Variants in BAIAP3 observed in about 807,000 individuals in gnomAD.
BAIAP3 encodes the protein BAI1 associated protein 3.
Under a neutral mutation model 149.7 loss-of-function variants are expected in BAIAP3, and 180 were observed. The ratio of observed to expected loss-of-function variants is 1.20; its 90% CI spans 1.07 to 1.36. BAIAP3 has a LOEUF of 1.36. Among genes scored for constraint, BAIAP3 ranks in the 40% most tolerant of loss-of-function variants. The pLI is 0.00. For missense variants in BAIAP3, 1,767 were observed against 1,563.4 expected (o/e 1.13, Z -2.20); for synonymous variants, 845 against 670.7 (o/e 1.26, Z -4.02).
chr16:1,346,556 G>A lies in BAIAP3; in HGVS notation c.2562+46G>A, dbSNP rs748694686. 1.1e-4 allele frequency: 169 copies of A among 1,582,544 alleles called. 1 individual carries two copies. Among genetic ancestry groups the A allele is most frequent in the Non-Finnish European group, 1.4e-4 (163 of 1,164,910 alleles). ...CCGTGGAGGACTGTGTGTACTGGGGGTAGGGCAGAGGTGCGGGGTAAGCCT... is the reference window on the plus strand; with the variant it reads ...CCGTGGAGGACTGTGTGTACTGGGGATAGGGCAGAGGTGCGGGGTAAGCCT... On this transcript the variant is annotated intron_variant, in intron 26 of 33. Coordinates refer to ENST00000426824, the MANE Select transcript of BAIAP3 (RefSeq NM_001199097.2).
Position 1,347,897 on chromosome 16 carries a change from T to C in BAIAP3, c.3029T>C (p.Leu1010Ser), listed in dbSNP as rs768075521. The C allele has an allele frequency of 6.2e-7, 1 of 1,611,646 alleles. No individual in the cohort carries two copies. The highest frequency in any genetic ancestry group is 8.5e-7 in the Non-Finnish European group (1 of 1,179,838). Reference sequence around the variant, plus strand: ...GCTCACGACTGTGCTCCTGCAGGCTTAAGTGACCCCTTTGTGATCGTGGAG... The same window carrying C: ...GCTCACGACTGTGCTCCTGCAGGCTCAAGTGACCCCTTTGTGATCGTGGAG... ...ADLLPLDANGLSDPFVIVELG... is the reference protein window; with the variant it reads ...ADLLPLDANGSSDPFVIVELG... The change falls in exon 32 of 34, where the codon TTA becomes TCA. Residue 1010 changes from leucine to serine, a missense_variant. Physicochemically the swap from Leu to Ser is moderately radical, Grantham distance 145. Transcript: ENST00000426824.
chr16:1,340,157 GACACACGC>G, intron 5 of BAIAP3, among the ~76,000 whole-genome samples: 1 of 106,422 alleles, frequency 9.4e-6, no homozygotes, highest in Middle Eastern at 8.5e-3. Flanking sequence ...GGTGCACACA[GACACACGC>G]ACACAGGCTG....
chr16:1,346,111 G>A (rs1340407338), intron 24 of BAIAP3, 33 bp downstream of exon 24: 11 of 1,605,572 alleles, frequency 6.9e-6, no homozygotes, highest in Non-Finnish European at 8.5e-6. Context: ...GAGCCGGCAG[G>A]AGGTGGGGGG....
In BAIAP3 at chr16:1,342,776, C is replaced by T. The variant is rs1438296902; in HGVS notation, c.1123C>T (p.Leu375Phe). The T allele has an allele frequency of 1.2e-6, 2 of 1,612,554 alleles. No homozygotes were observed. Among genetic ancestry groups the T allele is most frequent in the Non-Finnish European group, 1.7e-6 (2 of 1,180,014 alleles). The part of the protein sequence containing the change: ...RSGFLSHLLL[L>F]SHLLRLEHSA... ...CGGCTTCCTGTCCCACCTGCTGCTGCTCAGCCATCTGCTGCGGTTGGAGCA... is the reference window on the plus strand; with the variant it reads ...CGGCTTCCTGTCCCACCTGCTGCTGTTCAGCCATCTGCTGCGGTTGGAGCA... Residue 375 changes from leucine (L) to phenylalanine (F), a missense_variant, in exon 13 of 34, where the codon CTC (leucine) becomes TTC (phenylalanine). Coordinates refer to ENST00000426824, the MANE Select transcript of BAIAP3 (RefSeq NM_001199097.2).
At chr16:1,334,923 C>T (rs2033362083) in intron 1 of BAIAP3, among the ~76,000 whole-genome samples, 1 of 152,170 alleles carries the variant, frequency 6.6e-6, no homozygotes, top group Non-Finnish European at 1.5e-5. Context: ...AGGCACACAC[C>T]CAGGGCACCA....
chr16:1,346,832 G>C lies in BAIAP3; in HGVS notation c.2643-15G>C. The C allele has an allele frequency of 6.3e-7, 1 of 1,580,428 alleles. No individual in the cohort carries two copies. ...CAGGTGGGGCTGGCCCGTGGTCACT[G>C]ATGCTGCCCTGCAGGGTGCTGGAGG... On this transcript the variant is annotated splice_polypyrimidine_tract_variant and intron_variant, in intron 27 of 33. Transcript: ENST00000426824.
At chr16:1,334,221 T>TC (rs1470477441) in intron 1 of BAIAP3, among the ~76,000 whole-genome samples, 1 of 151,022 alleles carries the variant, frequency 6.6e-6, no homozygotes, top group East Asian at 2.0e-4. Flanking sequence ...GGCCCTTTAG[T>TC]CCCCCCGAAA....
At chr16:1,339,455 C>A (rs1567159826) in intron 4 of BAIAP3, 41 bp from the exon 5 acceptor site, 4 of 1,570,380 alleles carry the variant, frequency 2.5e-6, no homozygotes, top group Admixed American at 1.8e-5. Context: ...GGGCTGGGGG[C>A]CTGGGACGCG....
intron 5 of BAIAP3, among the ~76,000 whole-genome samples, chr16:1,339,990 C>CACACAG (rs2141577414): frequency 1.4e-5 from 2 of 139,824 alleles, no homozygotes; most frequent in East Asian, 2.3e-4. Flanking sequence ...GCTGCAGGTG[C>CACACAG]ATACAGATGC....
intron 1 of BAIAP3, among the ~76,000 whole-genome samples, chr16:1,334,218 T>C (rs1461853687): frequency 1.3e-5 from 2 of 151,850 alleles, no homozygotes; most frequent in Admixed American, 1.3e-4. Context: ...TAAGGCCCTT[T>C]AGTCCCCCCG....
At chr16:1,337,446 AG>A (rs2033533598) in intron 1 of BAIAP3, among the ~76,000 whole-genome samples, 3 of 152,228 alleles carry the variant, frequency 2.0e-5, no homozygotes, top group African/African-American at 7.2e-5. Context: ...TGAACCTGGA[AG>A]GCGGAGGTTG....
At chr16:1,344,875 G>A (rs777175709) in intron 20 of BAIAP3, 26 bp downstream of exon 20, 4 of 1,613,670 alleles carry the variant, frequency 2.5e-6, no homozygotes, top group East Asian at 4.5e-5. Flanking sequence ...GACCCCGGGT[G>A]CCTGCCAGGC....
intron 32 of BAIAP3, 21 bp downstream of exon 32, chr16:1,348,038 C>A: frequency 1.0e-5 from 16 of 1,598,032 alleles, no homozygotes; most frequent in Non-Finnish European, 1.3e-5. Context: ...TAAGCCCCAG[C>A]CCCAGCCCCA....
intron 1 of BAIAP3, among the ~76,000 whole-genome samples, chr16:1,334,192 C>G (rs1330325256): frequency 6.6e-6 from 1 of 152,070 alleles, no homozygotes; most frequent in Non-Finnish European, 1.5e-5. Flanking sequence ...CCCTTCCCTC[C>G]TCCCGCAGGT....
At chr16:1,343,171 A>AG (rs894364580) in intron 14 of BAIAP3, 155 bp downstream of exon 14, 7 of 1,077,836 alleles carry the variant, frequency 6.5e-6, no homozygotes, top group Non-Finnish European at 9.3e-6. Context: ...TTGGGCGGGA[A>AG]GGGAAGGGGG....
rs771582667 is a variant in BAIAP3, at chr16:1,342,751, C to T, written c.1098C>T (p.Ser366=). The T allele has an allele frequency of 3.7e-6, 6 of 1,612,392 alleles. No homozygotes were observed. In the Admixed American group the frequency reaches 5.0e-5, roughly 13 times the overall value. The change falls in exon 13 of 34, where the codon TCC becomes TCT. Residue 366 remains serine, a synonymous_variant. Coordinates refer to ENST00000426824, the MANE Select transcript of BAIAP3 (RefSeq NM_001199097.2). ...RDTAMSQRGR[S]GFLSHLLLLS... ...CGGCCATGAGCCAGCGCGGGCGATC[C>T]GGCTTCCTGTCCCACCTGCTGCTGC... is the stretch of plus-strand genomic sequence containing the variant.
At position 1,348,212 on chromosome 16, in the gene BAIAP3, G is replaced by A; in HGVS notation, c.3266G>A (p.Gly1089Asp). Residue 1089 changes from glycine to aspartate, a missense_variant, in exon 33 of 34, where the codon GGC (glycine) becomes GAC (aspartate). By Grantham distance (94) the Gly-to-Asp change is moderately conservative. Transcript: ENST00000426824. ...GGGGAGGCGGCCCTCGGCCTAGGTGGCGTCACTGGTGTCGCCCGGCCCCAG... is the reference window on the plus strand; with the variant it reads ...GGGGAGGCGGCCCTCGGCCTAGGTGACGTCACTGGTGTCGCCCGGCCCCAG... ...FAGEAALGLG[G>D]VTGVARPQVG... 1.2e-6 allele frequency: 2 copies of A among 1,608,838 alleles called. No individual in the cohort carries two copies. The highest frequency in any genetic ancestry group is 2.2e-5 in the East Asian group (1 of 44,848).
chr16:1,346,855 A>T lies in BAIAP3; in HGVS notation c.2651A>T (p.Glu884Val). 1 of 1,603,450 alleles carries T rather than the reference A, an allele frequency of 6.2e-7. No homozygotes were observed. The highest frequency in any genetic ancestry group is 8.5e-7 in the Non-Finnish European group (1 of 1,177,646). Residue 884 changes from glutamate (E) to valine (V), a missense_variant, in exon 28 of 34, where the codon GAG becomes GTG. Physicochemically the swap from Glu to Val is moderately radical, Grantham distance 121 (BLOSUM62 -2). Transcript: ENST00000426824. ...LVKGNLSRVL[E>V]ALWELLLQAI... ...CTGATGCTGCCCTGCAGGGTGCTGG[A>T]GGCCCTGTGGGAGCTACTCCTCCAG...
Position 1,338,643 on chromosome 16 carries a change from G to T in BAIAP3, c.94G>T (p.Ala32Ser). 1.3e-6 allele frequency: 2 copies of T among 1,595,408 alleles called. No individual in the cohort carries two copies. Among genetic ancestry groups the T allele is most frequent in the Middle Eastern group, 1.9e-4 (1 of 5,218 alleles). The change falls in exon 2 of 34, where the codon GCC (alanine) becomes TCC (serine). Residue 32 changes from alanine to serine, a missense_variant. By Grantham distance (99) the Ala-to-Ser change is moderately conservative (BLOSUM62 1). Coordinates refer to ENST00000426824, the MANE Select transcript of BAIAP3 (RefSeq NM_001199097.2). ...RRRTEQDPGS[A>S]SADPQEPATG... ...CAGGACTGAGCAGGACCCAGGGAGT[G>T]CCAGCGCCGACCCGCAGGAGCCTGC...
Sources: gnomAD v4.1 joint callset for allele counts (sites outside exome capture counted in the v4.1 genomes callset) on GRCh38, gnomAD v4.1.1 for gene constraint, MANE v1.5 for transcripts, NCBI Gene and HGNC (gene_info 2026-07-23, HGNC 2026-07-21) for gene names.